The following VEGFD variants were observed in gnomAD, a reference collection of about 807,000 sequenced individuals.
The protein encoded by VEGFD is c-fos induced growth factor (vascular endothelial growth factor D).
In VEGFD, 26 loss-of-function variants were observed where a neutral mutation model predicts 28.0. That is an observed-to-expected ratio of 0.93 (90% CI 0.68 to 1.29). VEGFD has a LOEUF of 1.29. Ranked by LOEUF, VEGFD falls within the 50% of genes most tolerant of loss-of-function variation. VEGFD has a pLI of 0.00. For missense variants in VEGFD, 294 were observed against 273.4 expected (o/e 1.08, Z -0.53); for synonymous variants, 93 against 95.5 (o/e 0.97, Z 0.15).
intron 1 of VEGFD, among the ~76,000 whole-genome samples, chrX:15,368,082 GA>G (rs1569186722): frequency 6.2e-4 from 52 of 83,479 alleles, no homozygotes; most frequent in African/African-American, 2.1e-3. Context: ...AAGAAAGAAA[GA>G]AAAGAAAGAA....
At position 15,355,210 on chromosome X, in the gene VEGFD, G is replaced by C. The variant is rs771466661; in HGVS notation, c.581C>G (p.Thr194Arg). Reference protein sequence around the residue: ...ANHTGCKCLPTAPRHPYSIIR... With the variant: ...ANHTGCKCLPRAPRHPYSIIR... The stretch of plus-strand genomic sequence containing the variant: ...AATTGAGTATGGATGGCGGGGGGCT[G>C]TTGGCAAGCACTTACAACCTGTATG... Residue 194 changes from threonine to arginine, a missense_variant, in exon 4 of 7, where the codon ACA (threonine) becomes AGA (arginine). By Grantham distance (71) the Thr-to-Arg change is moderately conservative (BLOSUM62 -1). Coordinates refer to ENST00000297904, the MANE Select transcript of VEGFD (RefSeq NM_004469.5). 6.6e-6 allele frequency: 8 copies of C among 1,204,369 alleles called. No homozygotes were observed. The highest frequency in any genetic ancestry group is 3.5e-5 in the African/African-American group (2 of 56,735).
chrX:15,355,381 T>TCAACCTCCCAAAGTGCTGGGATTACAGG, intron 3 of VEGFD, 83 bp from the exon 4 acceptor site: 1 of 859,795 alleles, frequency 1.2e-6, no homozygotes, highest in Non-Finnish European at 1.5e-6. Context: ...AATTTTTGCC[T>TCAACCTCCCAAAGTGCTGGGATTACAGG]TTGTCATTTA....
At chrX:15,350,884 CAG>C (rs1031430205) in intron 5 of VEGFD, among the ~76,000 whole-genome samples, 8 of 58,322 alleles carry the variant, frequency 1.4e-4, no homozygotes, top group South Asian at 9.3e-4. Flanking sequence ...TTTTTGGAGG[CAG>C]AGTCTCACTC....
intron 2 of VEGFD, among the ~76,000 whole-genome samples, chrX:15,362,141 T>A (rs1270853035): frequency 8.9e-6 from 1 of 111,864 alleles, no homozygotes; most frequent in Non-Finnish European, 1.9e-5. Context: ...GTGCTGGGAT[T>A]ACAGGTGTCA....
intron 1 of VEGFD, among the ~76,000 whole-genome samples, chrX:15,377,860 C>A (rs1464680919): frequency 9.0e-6 from 1 of 111,313 alleles, no homozygotes; most frequent in Non-Finnish European, 1.9e-5. Context: ...TGGATTTGAC[C>A]CCAGATGAAC....
intron 1 of VEGFD, among the ~76,000 whole-genome samples, chrX:15,367,411 A>G (rs996152155): frequency 8.0e-5 from 9 of 111,937 alleles, no homozygotes; most frequent in Non-Finnish European, 1.3e-4. Context: ...ACAATTGCTA[A>G]TGTCTCTGGC....
intron 1 of VEGFD, among the ~76,000 whole-genome samples, chrX:15,376,414 G>A (rs1923440044): frequency 8.9e-6 from 1 of 112,012 alleles, no homozygotes; most frequent in South Asian, 3.7e-4. Context: ...TGAGAATAAG[G>A]TAGTGATGTT....
At chrX:15,350,231 C>A (rs999947985) in intron 5 of VEGFD, among the ~76,000 whole-genome samples, 4 of 111,253 alleles carry the variant, frequency 3.6e-5, no homozygotes, top group African/African-American at 1.3e-4. Context: ...TATGTCCCCA[C>A]CCATTATATC....
rs1312558325 is a variant in VEGFD, at chrX:15,363,024, C to T, written c.301+85G>A. ...TCATTCTCCCTCTGACACGTGTCTG[C>T]CCTACGCAGACTTTTGGAGAAAGTA... On this transcript the variant is annotated intron_variant, in intron 2 of 6. Coordinates refer to ENST00000297904, the MANE Select transcript of VEGFD (RefSeq NM_004469.5). 6 of 878,951 alleles carry T rather than the reference C, an allele frequency of 6.8e-6. No homozygotes were observed. In the Admixed American group the frequency reaches 1.2e-4, roughly 18 times the overall value. The allele number at this position is 878,951 out of a possible 1,213,427, so 72.4% of individuals were successfully genotyped here.
intron 2 of VEGFD, among the ~76,000 whole-genome samples, chrX:15,360,767 T>C (rs950952418): frequency 3.5e-5 from 4 of 112,868 alleles, no homozygotes; most frequent in South Asian, 3.6e-4. Flanking sequence ...TAATTAATCA[T>C]GAATCCTTGA....
chrX:15,347,404 C>T (rs1922582501), intron 5 of VEGFD, 45 bp from the exon 6 acceptor site: 1 of 1,017,085 alleles, frequency 9.8e-7, no homozygotes, highest in African/African-American at 1.9e-5. Context: ...TGTAGTGTGG[C>T]AATTGGATCA....
At chrX:15,365,966 T>C (rs1277647961) in intron 1 of VEGFD, among the ~76,000 whole-genome samples, 2 of 111,410 alleles carry the variant, frequency 1.8e-5, no homozygotes, top group Non-Finnish European at 3.8e-5. Context: ...TCCTATCTAC[T>C]TTCTGTTACA....
At chrX:15,346,638 G>A (rs997766373) in intron 6 of VEGFD, among the ~76,000 whole-genome samples, 2 of 112,057 alleles carry the variant, frequency 1.8e-5, no homozygotes, top group African/African-American at 6.5e-5. Context: ...TGTTGTTTAA[G>A]AGCTCTAAAC....
At chrX:15,372,439 CA>C (rs57193883) in intron 1 of VEGFD, among the ~76,000 whole-genome samples, 1,633 of 103,531 alleles carry the variant, frequency 0.016, 20 homozygotes, top group African/African-American at 0.045. Context: ...AAAGCTCTCA[CA>C]AAAAAAAAAA....
chrX:15,361,721 C>A (rs1030954880), intron 2 of VEGFD, among the ~76,000 whole-genome samples: 1 of 112,154 alleles, frequency 8.9e-6, no homozygotes. Context: ...GTAGCAGCTT[C>A]TTGTGTTGTT....
At chrX:15,382,564 G>A (rs376565414) in intron 1 of VEGFD, among the ~76,000 whole-genome samples, 1 of 111,581 alleles carries the variant, frequency 9.0e-6, no homozygotes, top group African/African-American at 3.3e-5. Context: ...GAAAAAGCTG[G>A]ACAGTCGGAA....
intron 1 of VEGFD, among the ~76,000 whole-genome samples, chrX:15,376,094 A>G (rs1923432279): frequency 9.0e-6 from 1 of 111,612 alleles, no homozygotes; most frequent in Non-Finnish European, 1.9e-5. Context: ...TCAAGGGCCC[A>G]GTGTGCCACC....
chrX:15,346,651 C>T (rs1240589982), intron 6 of VEGFD, among the ~76,000 whole-genome samples: 3 of 111,966 alleles, frequency 2.7e-5, no homozygotes, highest in South Asian at 3.7e-4. Flanking sequence ...CTCTAAACCC[C>T]GGGTGGGCGC....
intron 2 of VEGFD, among the ~76,000 whole-genome samples, chrX:15,362,110 C>T (rs143767806): frequency 0.01 from 1,142 of 111,555 alleles, 11 homozygotes; most frequent in African/African-American, 0.035. Context: ...TCAGGTGATC[C>T]ACCTGCCTCA....
Sources: allele counts gnomAD v4.1 joint callset (sites outside exome capture counted in the v4.1 genomes callset), GRCh38; gene constraint gnomAD v4.1.1; transcripts MANE v1.5; gene names NCBI Gene and HGNC (gene_info 2026-07-23, HGNC 2026-07-21).